Variants in SPTLC3 observed in about 807,000 individuals in gnomAD.
SPTLC3 encodes serine palmitoyltransferase long chain base subunit 3.
In SPTLC3, 36 loss-of-function variants were observed where a neutral mutation model predicts 59.3. That is an observed-to-expected ratio of 0.61 (90% CI 0.47 to 0.80). The LOEUF (loss-of-function observed/expected upper bound fraction) is 0.80. Among genes scored for constraint, SPTLC3 ranks in the 30% least tolerant of loss-of-function variants. The pLI is 0.00. For missense variants in SPTLC3, 625 were observed against 685.1 expected, an observed-to-expected ratio of 0.91 and a Z score of 0.98; for synonymous variants, 257 against 240.8, an observed-to-expected ratio of 1.07 and a Z score of -0.62.
chr20:13,095,208 A>T (rs1352607088), intron 6 of SPTLC3, among the ~76,000 whole-genome samples: 3 of 152,204 alleles, frequency 2.0e-5, no homozygotes, highest in African/African-American at 7.2e-5. Context: ...TTGGCAAAGG[A>T]TAAAGGGGAT....
Position 13,153,987 on chromosome 20 carries a change from G to A in SPTLC3, c.1280-16G>A, listed in dbSNP as rs146735000. The A allele has an allele frequency of 2.4e-4, 380 of 1,612,380 alleles. 1 individual carries two copies. The African/African-American group carries it at 4.2e-3, about 18-fold the overall frequency. ...TCTAGTGGGAATTGATGGATTTCACGCCTGTCTCTTTTCAGGGCTGCAGAG... is the reference window on the plus strand; with the variant it reads ...TCTAGTGGGAATTGATGGATTTCACACCTGTCTCTTTTCAGGGCTGCAGAG... On this transcript the variant is annotated splice_polypyrimidine_tract_variant and intron_variant, in intron 9 of 11. Coordinates refer to ENST00000399002, the MANE Select transcript of SPTLC3 (RefSeq NM_018327.4).
At chr20:13,038,198 G>T (rs1010724082) in intron 1 of SPTLC3, among the ~76,000 whole-genome samples, 2 of 151,880 alleles carry the variant, frequency 1.3e-5, no homozygotes, top group African/African-American at 2.4e-5. Flanking sequence ...GTAATATAAG[G>T]CTCATATAAT....
intron 6 of SPTLC3, among the ~76,000 whole-genome samples, chr20:13,093,809 G>C (rs550657372): frequency 6.6e-6 from 1 of 152,342 alleles, no homozygotes; most frequent in East Asian, 1.9e-4. Context: ...GTCACTGTTA[G>C]TGGTTTTGCA....
At chr20:13,045,998 C>T (rs1987214660) in intron 1 of SPTLC3, among the ~76,000 whole-genome samples, 2 of 152,154 alleles carry the variant, frequency 1.3e-5, no homozygotes, top group African/African-American at 2.4e-5. Context: ...CTTGAATGTC[C>T]TCACATTTTC....
chr20:13,014,877 G>A (rs562675484), intron 1 of SPTLC3, among the ~76,000 whole-genome samples: 1 of 152,210 alleles, frequency 6.6e-6, no homozygotes, highest in East Asian at 1.9e-4. Flanking sequence ...TCCACACATG[G>A]GCTGAGCACA....
rs2038710455 is a variant in SPTLC3 at position 13,154,009 on chromosome 20, A to G, written c.1286A>G (p.Gln429Arg). 1 of 1,613,910 alleles carries G rather than the reference A, an allele frequency of 6.2e-7. No individual in the cohort carries two copies. Among genetic ancestry groups the G allele is most frequent in the African/African-American group, 1.3e-5 (1 of 74,934 alleles). ...CACGCCTGTCTCTTTTCAGGGCTGC[A>G]GAGAGTACAGCAACTTGCGAAAAAC... ...MGLDGTTQGLQRVQQLAKNTR... is the reference protein window; with the variant it reads ...MGLDGTTQGLRRVQQLAKNTR... Residue 429 changes from glutamine (Q) to arginine (R), a missense_variant, in exon 10 of 12, where the codon CAG becomes CGG. Coordinates refer to ENST00000399002, the MANE Select transcript of SPTLC3 (RefSeq NM_018327.4).
intron 8 of SPTLC3, among the ~76,000 whole-genome samples, chr20:13,125,981 T>A (rs2037979814): frequency 1.3e-5 from 2 of 152,204 alleles, no homozygotes; most frequent in Admixed American, 1.3e-4. Flanking sequence ...CTTGCTTCTG[T>A]TCCTTTGTTC....
chr20:13,094,761 G>A (rs1989354314), intron 6 of SPTLC3, among the ~76,000 whole-genome samples: 2 of 152,140 alleles, frequency 1.3e-5, no homozygotes, highest in Middle Eastern at 3.2e-3. Context: ...GTGGGGTGAG[G>A]TCTGGCTATG....
intron 1 of SPTLC3, among the ~76,000 whole-genome samples, chr20:13,013,772 A>C (rs906974387): frequency 9.9e-5 from 15 of 152,238 alleles, no homozygotes; most frequent in African/African-American, 3.4e-4. Context: ...CAAATGTTAC[A>C]GTTATCTATT....
At chr20:13,112,776 G>A (rs532494863) in intron 7 of SPTLC3, among the ~76,000 whole-genome samples, 45 of 152,134 alleles carry the variant, frequency 3.0e-4, no homozygotes, top group Non-Finnish European at 5.6e-4. Context: ...CGCTCTTGGG[G>A]GCTTCAATTT....
intron 4 of SPTLC3, among the ~76,000 whole-genome samples, chr20:13,084,299 T>C (rs1988937284): frequency 6.6e-6 from 1 of 152,194 alleles, no homozygotes; most frequent in Admixed American, 6.5e-5. Flanking sequence ...TTTCAATAAA[T>C]TGTCCTATGA....
chr20:13,045,226 A>C (rs983875809), intron 1 of SPTLC3, among the ~76,000 whole-genome samples: 1 of 152,186 alleles, frequency 6.6e-6, no homozygotes, highest in South Asian at 2.1e-4. Flanking sequence ...GAAGTAAACA[A>C]ACCCCAGGAT....
chr20:13,055,765 G>A (rs540416142), intron 2 of SPTLC3, among the ~76,000 whole-genome samples: 2 of 152,262 alleles, frequency 1.3e-5, no homozygotes, highest in South Asian at 4.2e-4. Flanking sequence ...GTGTGCTCCT[G>A]GGATCAGCAC....
rs539164038 is a variant in SPTLC3 at position 13,097,141 on chromosome 20, G to A, written c.826+3564G>A. 2.0e-5 allele frequency among the ~76,000 whole-genome samples: 3 copies of A among 152,092 alleles called. No homozygotes were observed. The South Asian group carries it at 6.2e-4, about 31-fold the overall frequency. On this transcript the variant is annotated intron_variant, in intron 6 of 11. Transcript: ENST00000399002. ...GTAGAAAACATTATGGAAAAATGAAGAGTCTATTTCTCCTTGGGAATTGCA... is the reference window on the plus strand; with the variant it reads ...GTAGAAAACATTATGGAAAAATGAAAAGTCTATTTCTCCTTGGGAATTGCA...
chr20:13,154,981 GA>G (rs1184877523), intron 10 of SPTLC3, among the ~76,000 whole-genome samples: 1 of 152,062 alleles, frequency 6.6e-6, no homozygotes, highest in Non-Finnish European at 1.5e-5. Flanking sequence ...AGGAGTTCGA[GA>G]CCAGCCTGGC....
intron 1 of SPTLC3, among the ~76,000 whole-genome samples, chr20:13,015,421 G>A (rs1985478590): frequency 1.3e-5 from 2 of 152,026 alleles, no homozygotes; most frequent in Admixed American, 6.6e-5. Flanking sequence ...AAACATGAAG[G>A]ACCTGGAAAT....
chr20:13,163,223 C>A (rs373434632), intron 11 of SPTLC3, among the ~76,000 whole-genome samples: 9 of 152,016 alleles, frequency 5.9e-5, no homozygotes, highest in African/African-American at 1.7e-4. Flanking sequence ...CAAAAATTAG[C>A]CAGGCGTAGT....
chr20:13,068,321 C>A (rs1988305835), intron 2 of SPTLC3, among the ~76,000 whole-genome samples: 1 of 152,026 alleles, frequency 6.6e-6, no homozygotes. Context: ...GTATAGAAAG[C>A]AAAATAAAGA....
At chr20:13,146,197 T>C (rs1022705147) in intron 9 of SPTLC3, among the ~76,000 whole-genome samples, 2 of 152,156 alleles carry the variant, frequency 1.3e-5, no homozygotes, top group African/African-American at 4.8e-5. Flanking sequence ...ATACCACATG[T>C]TCTTACTTAT....
Sources: allele counts gnomAD v4.1 joint callset (sites outside exome capture counted in the v4.1 genomes callset), GRCh38; gene constraint gnomAD v4.1.1; transcripts MANE v1.5; gene names NCBI Gene and HGNC (gene_info 2026-07-23, HGNC 2026-07-21).